Variants in SUMF1 observed in about 807,000 individuals in gnomAD.
SUMF1 encodes sulfatase modifying factor 1.
In SUMF1, 48 loss-of-function variants were observed where a neutral mutation model predicts 47.6. That is an observed-to-expected ratio of 1.01 (90% CI 0.80 to 1.28). The LOEUF (loss-of-function observed/expected upper bound fraction) is 1.28. Ranked by LOEUF, SUMF1 falls within the 50% of genes most tolerant of loss-of-function variation. SUMF1 has a pLI of 0.00. For synonymous variants in SUMF1, 230 were observed against 192.1 expected (o/e 1.20, Z -1.63); for missense variants, 571 against 485.4 (o/e 1.18, Z -1.66).
intron 8 of SUMF1, among the ~76,000 whole-genome samples, chr3:4,280,302 G>A (rs528342490): frequency 1.3e-5 from 2 of 152,058 alleles, no homozygotes; most frequent in Non-Finnish European, 1.5e-5. Context: ...AGAACACCCC[G>A]GGGTCCTAAA....
intron 9 of SUMF1, among the ~76,000 whole-genome samples, chr3:4,049,079 A>G (rs1365920520): frequency 6.6e-6 from 1 of 152,178 alleles, no homozygotes; most frequent in Non-Finnish European, 1.5e-5. Context: ...ACAAAAGTGT[A>G]TCAGTCAAAA....
intron 3 of SUMF1, among the ~76,000 whole-genome samples, chr3:4,446,137 G>T (rs921015507): frequency 6.6e-6 from 1 of 152,162 alleles, no homozygotes; most frequent in African/African-American, 2.4e-5. Flanking sequence ...AAATGAAAAA[G>T]ATTAGATTAT....
intron 7 of SUMF1, among the ~76,000 whole-genome samples, chr3:4,397,311 A>C (rs1181581415): frequency 6.6e-6 from 1 of 152,210 alleles, no homozygotes; most frequent in Admixed American, 6.5e-5. Context: ...GACTACATTC[A>C]CTGAAAGATT....
intron 8 of SUMF1, among the ~76,000 whole-genome samples, chr3:4,250,146 G>A (rs1696763872): frequency 6.6e-6 from 1 of 151,704 alleles, no homozygotes; most frequent in African/African-American, 2.4e-5. Context: ...TTGTGCCATT[G>A]CCCTCCAGCC....
chr3:4,064,952 G>T (rs138590779), intron 9 of SUMF1, among the ~76,000 whole-genome samples: 1 of 152,118 alleles, frequency 6.6e-6, no homozygotes, highest in African/African-American at 2.4e-5. Context: ...GTAACAAATG[G>T]AAGCACAGAG....
intron 8 of SUMF1, among the ~76,000 whole-genome samples, chr3:4,373,573 A>G (rs1213380357): frequency 6.6e-6 from 1 of 152,158 alleles, no homozygotes; most frequent in Non-Finnish European, 1.5e-5. Context: ...AAATTAATTA[A>G]TTAATAGTTA....
At chr3:4,147,375 T>C (rs145285680) in intron 8 of SUMF1, among the ~76,000 whole-genome samples, 4,209 of 152,264 alleles carry the variant, frequency 0.028, 95 homozygotes, top group African/African-American at 0.049. Flanking sequence ...CGTATGTTTA[T>C]TGTGGCACTA....
chr3:4,165,452 C>T (rs916081632), intron 8 of SUMF1, among the ~76,000 whole-genome samples: 38 of 152,044 alleles, frequency 2.5e-4, no homozygotes, highest in African/African-American at 8.2e-4. Flanking sequence ...TTAAAGGAGG[C>T]TTATCATTAA....
chr3:4,290,643 A>G (rs901249991), intron 8 of SUMF1, among the ~76,000 whole-genome samples: 2 of 152,184 alleles, frequency 1.3e-5, no homozygotes, highest in African/African-American at 4.8e-5. Flanking sequence ...TGTCCCCCTC[A>G]TAGAACCTTC....
chr3:4,264,273 C>T (rs750128225), intron 8 of SUMF1, among the ~76,000 whole-genome samples: 13 of 152,156 alleles, frequency 8.5e-5, no homozygotes, highest in Non-Finnish European at 1.5e-4. Flanking sequence ...TAGATATAGC[C>T]GTGCACAGTC....
intron 8 of SUMF1, among the ~76,000 whole-genome samples, chr3:4,227,578 AAC>A (rs1696201662): frequency 6.6e-6 from 1 of 152,032 alleles, no homozygotes; most frequent in Admixed American, 6.6e-5. Context: ...ATTAACCTCA[AAC>A]ACAGGGCTCC....
intron 8 of SUMF1, among the ~76,000 whole-genome samples, chr3:4,146,597 A>G (rs1320216137): frequency 6.6e-6 from 1 of 151,872 alleles, no homozygotes; most frequent in East Asian, 1.9e-4. Flanking sequence ...CTGGTTAGTT[A>G]CATATGTATA....
In SUMF1 at chr3:4,242,637, T is replaced by G. The variant is rs181723057; in HGVS notation, c.1014+133693A>C. ...AGGGATAAAGCCCACTTGATCATGG[T>G]GGATAAGCTTTTTGATGTGCTGCTG... On this transcript the variant is annotated intron_variant and NMD_transcript_variant, in intron 8 of 12. Coordinates refer to the SUMF1 transcript ENST00000448413. Among the ~76,000 whole-genome samples, 108 of 152,306 alleles carry G rather than the reference T, an allele frequency of 7.1e-4. 1 individual carries two copies. The highest frequency in any genetic ancestry group is 1.2e-3 in the Admixed American group (18 of 15,300).
chr3:4,256,183 C>A (rs1696949990), intron 8 of SUMF1, among the ~76,000 whole-genome samples: 1 of 86,412 alleles, frequency 1.2e-5, no homozygotes, highest in South Asian at 5.0e-4. Flanking sequence ...AAAATTGACA[C>A]CCTAACATCA....
intron 8 of SUMF1, among the ~76,000 whole-genome samples, chr3:4,373,350 C>A (rs1700225550): frequency 6.6e-6 from 1 of 151,838 alleles, no homozygotes; most frequent in Non-Finnish European, 1.5e-5. Context: ...TACAATAACT[C>A]AAATGAAATG....
At chr3:4,158,517 G>A (rs769132959) in intron 8 of SUMF1, among the ~76,000 whole-genome samples, 1 of 151,386 alleles carries the variant, frequency 6.6e-6, no homozygotes, top group African/African-American at 2.5e-5. Flanking sequence ...TTTTCTGTCT[G>A]GATCTGTCCA....
chr3:4,205,069 T>C (rs527296185), intron 8 of SUMF1, among the ~76,000 whole-genome samples: 31 of 152,208 alleles, frequency 2.0e-4, no homozygotes, highest in Middle Eastern at 3.4e-3. Context: ...CCTGCACATA[T>C]ACATCCAGAT....
chr3:4,204,233 T>C (rs1695602888), intron 8 of SUMF1, among the ~76,000 whole-genome samples: 1 of 152,094 alleles, frequency 6.6e-6, no homozygotes, highest in South Asian at 2.1e-4. Flanking sequence ...TCCTTCATGT[T>C]TGAAGGATAT....
chr3:4,200,009 T>C (rs1431903958), intron 8 of SUMF1, among the ~76,000 whole-genome samples: 1 of 152,108 alleles, frequency 6.6e-6, no homozygotes, highest in Non-Finnish European at 1.5e-5. Flanking sequence ...TTGCATCCTA[T>C]CTAAAGGTCA....
Sources: gnomAD v4.1 joint callset for allele counts (sites outside exome capture counted in the v4.1 genomes callset) on GRCh38, gnomAD v4.1.1 for gene constraint, MANE v1.5 for transcripts, NCBI Gene and HGNC (gene_info 2026-07-23, HGNC 2026-07-21) for gene names.